The following ANGPT2 variants were observed in gnomAD, a reference collection of about 807,000 sequenced individuals.
ANGPT2 encodes angiopoietin-2.
A neutral mutation model predicts 62.9 loss-of-function variants in ANGPT2; 28 were observed. The observed-to-expected ratio is 0.44, with a 90% CI of 0.33 to 0.61. The LOEUF (loss-of-function observed/expected upper bound fraction) is 0.61. ANGPT2 is among the 20% of genes least tolerant of loss of function. The probability of loss-of-function intolerance (pLI) is 0.03; values close to 1 mark genes in which losing one functional copy is unlikely to be tolerated. For synonymous variants in ANGPT2, 284 were observed against 207.8 expected, an observed-to-expected ratio of 1.37 and a Z score of -3.15; for missense variants, 727 against 594.9, an observed-to-expected ratio of 1.22 and a Z score of -2.31.
chr8:6,537,719 T>C (rs1204767425), intron 1 of ANGPT2, among the ~76,000 whole-genome samples: 1 of 152,110 alleles, frequency 6.6e-6, no homozygotes, highest in Non-Finnish European at 1.5e-5. Flanking sequence ...TATCTGGCTA[T>C]CTTCCTTCTC....
chr8:6,534,332 G>A (rs993257597), intron 1 of ANGPT2, among the ~76,000 whole-genome samples: 15 of 152,102 alleles, frequency 9.9e-5, no homozygotes, highest in African/African-American at 3.4e-4. Context: ...TAGAGTATAC[G>A]AGAGGATGTG....
intron 1 of ANGPT2, among the ~76,000 whole-genome samples, chr8:6,541,186 G>C (rs1026739139): frequency 1.3e-5 from 2 of 152,218 alleles, no homozygotes; most frequent in Non-Finnish European, 2.9e-5. Context: ...CAGCACAAGA[G>C]GGTGAATTCT....
chr8:6,527,448 C>T, intron 3 of ANGPT2, 107 bp downstream of exon 3: 1 of 1,400,842 alleles, frequency 7.1e-7, no homozygotes, highest in South Asian at 1.4e-5. Context: ...GACCCTTACA[C>T]TAGACATGAA....
At position 6,509,794 on chromosome 8, in the gene ANGPT2, T is replaced by C. The variant is rs1022728898; in HGVS notation, c.1197-732A>G. On this transcript the variant is annotated intron_variant, in intron 7 of 8. Coordinates refer to ENST00000629816, the MANE Select transcript of ANGPT2 (RefSeq NM_001118887.2). ...TAGCTTAGCTCTAGCCTTCCTTAAA[T>C]GTGCTCGGAACACTCACATTAGCCC... Among the ~76,000 whole-genome samples, 70 of 152,314 alleles carry C rather than the reference T, an allele frequency of 4.6e-4. No individual in the cohort carries two copies. In the Middle Eastern group the frequency reaches 0.01, roughly 22 times the overall value.
rs1165588087 is a variant in ANGPT2, at chr8:6,503,047, G to T, written c.*54C>A. The T allele has an allele frequency of 6.2e-7, 1 of 1,603,402 alleles. No homozygotes were observed. Among genetic ancestry groups the T allele is most frequent in the Non-Finnish European group, 8.5e-7 (1 of 1,173,744 alleles). The stretch of plus-strand genomic sequence containing the variant: ...GCGCAGCCGTGACTTTCAGTGCACT[G>T]GGCTTAAGTCTTTGAAAATAGTTCG... On this transcript the variant is annotated 3_prime_UTR_variant, in exon 9 of 9. Coordinates refer to ENST00000629816, the MANE Select transcript of ANGPT2 (RefSeq NM_001118887.2).
chr8:6,511,285 G>T (rs981762121), intron 7 of ANGPT2, among the ~76,000 whole-genome samples: 1 of 133,192 alleles, frequency 7.5e-6, no homozygotes, highest in Non-Finnish European at 1.7e-5. Context: ...ATTGGTATGG[G>T]TTGATTTTTT....
chr8:6,504,512 G>A (rs1056561949), intron 8 of ANGPT2, among the ~76,000 whole-genome samples: 1 of 152,034 alleles, frequency 6.6e-6, no homozygotes, highest in African/African-American at 2.4e-5. Context: ...GATTGTCACA[G>A]TATCGCAGTG....
chr8:6,558,790 C>G (rs1825056814), intron 1 of ANGPT2, among the ~76,000 whole-genome samples: 1 of 151,978 alleles, frequency 6.6e-6, no homozygotes, highest in Non-Finnish European at 1.5e-5. Flanking sequence ...TAAACAAAGA[C>G]TACTTGACCA....
intron 1 of ANGPT2, among the ~76,000 whole-genome samples, chr8:6,549,872 T>C (rs967369835): frequency 3.7e-4 from 57 of 152,212 alleles, no homozygotes; most frequent in African/African-American, 1.3e-3. Flanking sequence ...GTGTAAGTTA[T>C]ATCTAAAAAA....
Position 6,562,790 on chromosome 8 carries a change from C to G in ANGPT2, c.145G>C (p.Glu49Gln). 6.2e-7 allele frequency: 1 copy of G among 1,613,638 alleles called. No individual in the cohort carries two copies. The highest frequency in any genetic ancestry group is 8.5e-7 in the Non-Finnish European group (1 of 1,179,882). The change falls in exon 1 of 9, where the codon GAG becomes CAG. Residue 49 changes from glutamate to glutamine, a missense_variant. Glu to Gln is a conservative substitution (Grantham distance 29, BLOSUM62 2). Coordinates refer to ENST00000629816, the MANE Select transcript of ANGPT2 (RefSeq NM_001118887.2). Reference protein sequence around the residue: ...GSCSYTFLLPEMDNCRSSSSP... With the variant: ...GSCSYTFLLPQMDNCRSSSSP... ...GAGGAAGAGCGGCAGTTGTCCATCT[C>G]TGGCAGGAGGAAAGTGTAGCTGCAG...
intron 3 of ANGPT2, among the ~76,000 whole-genome samples, chr8:6,523,118 C>G (rs1817674909): frequency 6.6e-6 from 1 of 152,042 alleles, no homozygotes; most frequent in Admixed American, 6.5e-5. Flanking sequence ...CTGCCTCAGT[C>G]TCCCGAGTAG....
rs939231688 is a variant in ANGPT2, at chr8:6,514,568, T to C, written c.1029+109A>G. 5.3e-6 allele frequency: 5 copies of C among 951,946 alleles called. No individual in the cohort carries two copies. The Admixed American group carries it at 5.7e-5, about 11-fold the overall frequency. The allele number at this position is 951,946 out of a possible 1,614,324, so 59.0% of individuals were successfully genotyped here. On this transcript the variant is annotated intron_variant, in intron 6 of 8. Coordinates refer to ENST00000629816, the MANE Select transcript of ANGPT2 (RefSeq NM_001118887.2). ...ACTGAAGCACCAATTTTAAAAACCA[T>C]GTCAAAAGTCATTGGTTAGTTTGGG...
Position 6,521,180 on chromosome 8 carries a change from T to C in ANGPT2, c.797A>G (p.Asn266Ser). 6.2e-7 allele frequency: 1 copy of C among 1,610,926 alleles called. No individual in the cohort carries two copies. Residue 266 changes from asparagine (N) to serine (S), a missense_variant and splice_region_variant, in exon 4 of 9, where the codon AAC (asparagine) becomes AGC (serine). Physicochemically the swap from Asn to Ser is conservative, Grantham distance 46. Transcript: ENST00000629816. ...NNLLTMMSTS[N>S]SKDPTVAKEE... ...GAAAGCATGATATGTAAACTTACAG[T>C]TTGATGTGGACATCATAGTCAGTAA...
At position 6,536,583 on chromosome 8, in the gene ANGPT2, C is replaced by G. The variant is rs142042260; in HGVS notation, c.289-4096G>C. Among the ~76,000 whole-genome samples the G allele has an allele frequency of 1.7e-3, 252 of 152,228 alleles. 8 individuals are homozygous for G. The South Asian group carries it at 0.031, about 19-fold the overall frequency. On this transcript the variant is annotated intron_variant, in intron 1 of 8. Transcript: ENST00000629816. The stretch of plus-strand genomic sequence containing the variant: ...ATTCTATCTTCTGGGAGCATCCTGA[C>G]AAAAGAATCTGTGTTTTCTTCCAAA...
chr8:6,558,047 G>C (rs1300216553), intron 1 of ANGPT2, among the ~76,000 whole-genome samples: 2 of 152,086 alleles, frequency 1.3e-5, no homozygotes, highest in Non-Finnish European at 2.9e-5. Flanking sequence ...CGCACCTTTA[G>C]TTACCTCAGT....
intron 7 of ANGPT2, among the ~76,000 whole-genome samples, chr8:6,510,063 C>G (rs900142576): frequency 6.6e-6 from 1 of 152,126 alleles, no homozygotes; most frequent in Non-Finnish European, 1.5e-5. Context: ...CCATTGTAAG[C>G]TGAATTGCAA....
chr8:6,511,531 C>T (rs1180297881), intron 7 of ANGPT2, among the ~76,000 whole-genome samples: 1 of 152,030 alleles, frequency 6.6e-6, no homozygotes, highest in Non-Finnish European at 1.5e-5. Flanking sequence ...TTTTCCAACA[C>T]TTGGGGAACA....
rs571369735 is a variant in ANGPT2 at position 6,533,969 on chromosome 8, A to G, written c.289-1482T>C. ...ACTGGTATCAGATGGTTTTAGGATT[A>G]GGCTGGAACTATAAGTTTCCTGTTT... On this transcript the variant is annotated intron_variant, in intron 1 of 8. Coordinates refer to ENST00000629816, the MANE Select transcript of ANGPT2 (RefSeq NM_001118887.2). Among the ~76,000 whole-genome samples the G allele has an allele frequency of 2.6e-4, 39 of 152,286 alleles. 1 individual carries two copies. Among genetic ancestry groups the G allele is most frequent in the Middle Eastern group, 3.4e-3 (1 of 294 alleles).
At chr8:6,538,394 A>G (rs371603596) in intron 1 of ANGPT2, among the ~76,000 whole-genome samples, 10 of 152,160 alleles carry the variant, frequency 6.6e-5, no homozygotes, top group African/African-American at 1.9e-4. Context: ...TCCCGCTGTC[A>G]GAGTCAGGAA....
Sources: allele counts gnomAD v4.1 joint callset (sites outside exome capture counted in the v4.1 genomes callset), GRCh38; gene constraint gnomAD v4.1.1; transcripts MANE v1.5; gene names NCBI Gene and HGNC (gene_info 2026-07-23, HGNC 2026-07-21).